Variants in MDN1 observed in about 807,000 individuals in gnomAD.
MDN1 encodes the protein midasin AAA ATPase 1, also known as midasin.
A neutral mutation model predicts 669.2 loss-of-function variants in MDN1; 266 were observed. That is an observed-to-expected ratio of 0.40 (90% confidence interval 0.36 to 0.44). The LOEUF is 0.44. Among genes scored for constraint, MDN1 ranks in the 20% least tolerant of loss-of-function variants. MDN1 has a pLI of 1.00. For missense variants in MDN1, 5,940 were observed against 6,754.0 expected (o/e 0.88, Z 4.22); for synonymous variants, 2,385 against 2,457.1 (o/e 0.97, Z 0.87).
Position 89,718,641 on chromosome 6 carries a change from A to G in MDN1, c.6322-14T>C, listed in dbSNP as rs1168849308. 3 of 1,612,978 alleles carry G rather than the reference A, an allele frequency of 1.9e-6. No individual in the cohort carries two copies. Among genetic ancestry groups the G allele is most frequent in the South Asian group, 1.1e-5 (1 of 91,042 alleles). On this transcript the variant is annotated splice_polypyrimidine_tract_variant and intron_variant, in intron 42 of 101. Transcript: ENST00000369393. Reference sequence around the variant, plus strand: ...TATAAGATCAACCTGTAATTTCCAGAGGACATGAACTCATCATAGGGTCAG... The same window carrying G: ...TATAAGATCAACCTGTAATTTCCAGGGGACATGAACTCATCATAGGGTCAG...
chr6:89,722,480 A>G (rs1173819557), intron 40 of MDN1, among the ~76,000 whole-genome samples: 1 of 152,076 alleles, frequency 6.6e-6, no homozygotes, highest in East Asian at 1.9e-4. Flanking sequence ...AAAGCAAGCT[A>G]CTCTATATTG....
chr6:89,781,711 T>TG (rs1325138220), intron 9 of MDN1, 119 bp from the exon 10 acceptor site: 1 of 805,478 alleles, frequency 1.2e-6, no homozygotes, highest in Non-Finnish European at 1.9e-6. Flanking sequence ...ATTTGTTCAC[T>TG]GGGGGACGGT....
chr6:89,661,246 G>A (rs75170059), intron 88 of MDN1, among the ~76,000 whole-genome samples, 185 bp downstream of exon 88: 3,088 of 152,324 alleles, frequency 0.02, 55 homozygotes, highest in Middle Eastern at 0.054. Flanking sequence ...TGGTTGATGA[G>A]CTGTAGGGAT....
intron 9 of MDN1, 44 bp from the exon 10 acceptor site, chr6:89,781,636 T>C (rs779422025): frequency 1.3e-6 from 2 of 1,490,910 alleles, no homozygotes; most frequent in Non-Finnish European, 1.8e-6. Context: ...GCCAGCATGG[T>C]AATTTTTGAA....
Position 89,698,878 on chromosome 6 carries a change from T to A in MDN1, c.9155A>T (p.Asp3052Val). The A allele has an allele frequency of 6.2e-7, 1 of 1,613,860 alleles. No homozygotes were observed. The highest frequency in any genetic ancestry group is 8.5e-7 in the Non-Finnish European group (1 of 1,179,960). Residue 3052 changes from aspartate (D) to valine (V), a missense_variant, in exon 59 of 102, where the codon GAC (aspartate) becomes GTC (valine). Asp to Val is a radical substitution (Grantham distance 152, BLOSUM62 -3). Transcript: ENST00000369393. ...AGACCAACAAACCTTCAATGTGGAG[T>A]CCAAAACAGACTTGGGTGCCTCCCT... is the stretch of plus-strand genomic sequence containing the variant. Reference protein sequence around the residue: ...QQREAPKSVLDSTLKGPGNLN... With the variant: ...QQREAPKSVLVSTLKGPGNLN...
chr6:89,740,400 A>C (rs1816224704), intron 31 of MDN1, 22 bp from the exon 32 acceptor site: 2 of 1,564,930 alleles, frequency 1.3e-6, no homozygotes, highest in Non-Finnish European at 1.7e-6. Flanking sequence ...ATTGAAGAAC[A>C]GTGAAAAGGG....
intron 82 of MDN1, among the ~76,000 whole-genome samples, chr6:89,671,306 G>A (rs1251813208): frequency 6.6e-6 from 1 of 152,090 alleles, no homozygotes; most frequent in Non-Finnish European, 1.5e-5. Context: ...ATCTCAAACC[G>A]ATGTCTCCTT....
chr6:89,755,023 G>A (rs1817168650), intron 20 of MDN1, among the ~76,000 whole-genome samples: 1 of 151,952 alleles, frequency 6.6e-6, no homozygotes, highest in African/African-American at 2.4e-5. Context: ...TATACTACTT[G>A]TACTATCAGT....
At position 89,650,005 on chromosome 6, in the gene MDN1, CT is replaced by C; in HGVS notation, c.16206+18del. ...ATGTTAATTTCCTATCAAACTGCCA[CT>C]GCATTTCTCTTCCTTACCTGCTTGG... On this transcript the variant is annotated intron_variant, in intron 97 of 101. Transcript: ENST00000369393. The C allele has an allele frequency of 1.9e-6, 3 of 1,613,342 alleles. No individual in the cohort carries two copies. Among genetic ancestry groups the C allele is most frequent in the Non-Finnish European group, 2.5e-6 (3 of 1,179,560 alleles).
rs1215277291 is a variant in MDN1 at position 89,753,625 on chromosome 6, A to G, written c.2965-3T>C. 8 of 1,599,018 alleles carry G rather than the reference A, an allele frequency of 5.0e-6. No homozygotes were observed. Among genetic ancestry groups the G allele is most frequent in the South Asian group, 1.1e-5 (1 of 90,748 alleles). ...GTTAAGAAACCCAAACAAAAACCCT[A>G]GAAAGAAAAGACAAATATGCATAAT... On this transcript the variant is annotated splice_region_variant and splice_polypyrimidine_tract_variant and intron_variant, in intron 21 of 101. Transcript: ENST00000369393.
rs938973664 is a variant in MDN1, at chr6:89,751,506, G to C, written c.3152C>G (p.Thr1051Arg). The C allele has an allele frequency of 6.2e-6, 10 of 1,613,970 alleles. No individual in the cohort carries two copies. The highest frequency in any genetic ancestry group is 8.5e-6 in the Non-Finnish European group (10 of 1,180,024). ...TGTCAGAATGTACGTCTCATCTATT[G>C]TAGGCTCCTTGTCTCCCACCGCAAT... The part of the protein sequence containing the change: ...YWIAVGDKEP[T>R]IDETYILTSS... Residue 1051 changes from threonine (T) to arginine (R), a missense_variant, in exon 23 of 102, where the codon ACA becomes AGA. By Grantham distance (71) the Thr-to-Arg change is moderately conservative. Transcript: ENST00000369393.
chr6:89,646,468 T>G, intron 100 of MDN1, 72 bp downstream of exon 100: 1 of 1,323,852 alleles, frequency 7.6e-7, no homozygotes, highest in Non-Finnish European at 1.1e-6. Context: ...GACACTGAGC[T>G]GAAGCAAGCA....
chr6:89,780,472 C>T (rs955784107), intron 10 of MDN1, among the ~76,000 whole-genome samples, 179 bp from the exon 11 acceptor site: 3 of 152,108 alleles, frequency 2.0e-5, no homozygotes, highest in Admixed American at 2.0e-4. Context: ...AATCCTTCCC[C>T]TCTTTGTATT....
chr6:89,801,716 A>G (rs1335261880), intron 2 of MDN1, among the ~76,000 whole-genome samples: 1 of 151,542 alleles, frequency 6.6e-6, no homozygotes, highest in Non-Finnish European at 1.5e-5. Flanking sequence ...AATCACTTGA[A>G]CCGGGAGGCA....
intron 40 of MDN1, among the ~76,000 whole-genome samples, chr6:89,722,565 C>T (rs896085560): frequency 6.6e-6 from 1 of 152,172 alleles, no homozygotes; most frequent in Non-Finnish European, 1.5e-5. Flanking sequence ...AACAGGCTTG[C>T]TAGCCGGGCG....
intron 15 of MDN1, among the ~76,000 whole-genome samples, chr6:89,765,354 A>T (rs1035909569): frequency 1.3e-5 from 2 of 152,260 alleles, no homozygotes; most frequent in Non-Finnish European, 2.9e-5. Flanking sequence ...TTAGGAGTAG[A>T]AGCAAAGATA....
At chr6:89,795,345 A>G (rs1166145708) in intron 2 of MDN1, among the ~76,000 whole-genome samples, 1 of 152,144 alleles carries the variant, frequency 6.6e-6, no homozygotes, top group Non-Finnish European at 1.5e-5. Flanking sequence ...ACACGAGTCA[A>G]CTGAATCTGG....
At chr6:89,688,465 G>T in intron 66 of MDN1, 108 bp downstream of exon 66, 1 of 976,542 alleles carries the variant, frequency 1.0e-6, no homozygotes, top group Non-Finnish European at 1.5e-6. Context: ...TTAAGCCTTT[G>T]TTTATATGTA....
At chr6:89,728,011 T>G in intron 36 of MDN1, 56 bp from the exon 37 acceptor site, 3 of 1,542,374 alleles carry the variant, frequency 1.9e-6, no homozygotes, top group Non-Finnish European at 2.6e-6. Context: ...ATCAACTGGA[T>G]TCTAACACCC....
Sources: allele counts gnomAD v4.1 joint callset (sites outside exome capture counted in the v4.1 genomes callset), GRCh38; gene constraint gnomAD v4.1.1; transcripts MANE v1.5; gene names NCBI Gene and HGNC (gene_info 2026-07-23, HGNC 2026-07-21).